EYS: variants seen among roughly 807,000 people sequenced by gnomAD.
The protein encoded by EYS is protein eyes shut homolog.
EYS carries 250 observed loss-of-function variants against 282.1 expected under a neutral mutation model. That is an observed-to-expected ratio of 0.89 (90% CI 0.80 to 0.98). The LOEUF is 0.98. EYS is among the 50% of genes least tolerant of loss of function. The pLI, the probability that EYS is intolerant of heterozygous loss-of-function variation, is 0.00. For synonymous variants in EYS, 1,355 were observed against 1,282.9 expected, an observed-to-expected ratio of 1.06 and a Z score of -1.20; for missense variants, 4,016 against 3,709.0, an observed-to-expected ratio of 1.08 and a Z score of -2.15.
At chr6:64,121,144 C>T (rs973788307) in intron 31 of EYS, among the ~76,000 whole-genome samples, 23 of 152,280 alleles carry the variant, frequency 1.5e-4, no homozygotes, top group Non-Finnish European at 3.1e-4. Flanking sequence ...TGCATCTCTC[C>T]TCCTTCTCCC....
intron 30 of EYS, among the ~76,000 whole-genome samples, chr6:64,258,689 G>C (rs1383156760): frequency 6.6e-6 from 1 of 152,018 alleles, no homozygotes; most frequent in Non-Finnish European, 1.5e-5. Context: ...GTATAAAGAA[G>C]AAAATGTCTC....
intron 26 of EYS, among the ~76,000 whole-genome samples, chr6:64,512,588 G>T (rs920515082): frequency 2.0e-5 from 3 of 151,574 alleles, no homozygotes; most frequent in Non-Finnish European, 2.9e-5. Context: ...GAGAGTTGAA[G>T]ATTACAATAT....
At chr6:64,930,747 G>A (rs6925610) in intron 15 of EYS, among the ~76,000 whole-genome samples, 4,733 of 152,142 alleles carry the variant, frequency 0.031, 142 homozygotes, top group African/African-American at 0.079. Context: ...AAACCTTCAC[G>A]TTGTCTGAAA....
intron 2 of EYS, among the ~76,000 whole-genome samples, chr6:65,514,682 G>A (rs1349259289): frequency 5.3e-5 from 8 of 152,100 alleles, no homozygotes; most frequent in Admixed American, 1.3e-4. Context: ...AAAAACAAGT[G>A]ATGGGGAAAG....
intron 26 of EYS, among the ~76,000 whole-genome samples, chr6:64,573,055 G>A (rs1167439977): frequency 6.6e-6 from 1 of 152,098 alleles, no homozygotes; most frequent in Non-Finnish European, 1.5e-5. Flanking sequence ...AAAACAGCAT[G>A]GGACTGGCAC....
chr6:63,853,579 A>G (rs764596419), intron 36 of EYS, among the ~76,000 whole-genome samples: 6 of 152,216 alleles, frequency 3.9e-5, no homozygotes, highest in Non-Finnish European at 7.3e-5. Flanking sequence ...TATAAATTCA[A>G]TGCTATTCCT....
chr6:65,459,026 T>C (rs1039798185), intron 5 of EYS, among the ~76,000 whole-genome samples: 1 of 152,136 alleles, frequency 6.6e-6, no homozygotes, highest in Non-Finnish European at 1.5e-5. Context: ...TTGTTGATAT[T>C]TAATAGGATT....
chr6:65,056,455 G>T (rs1773418636), intron 13 of EYS, among the ~76,000 whole-genome samples: 1 of 151,902 alleles, frequency 6.6e-6, no homozygotes, highest in Non-Finnish European at 1.5e-5. Flanking sequence ...ACCCTGATAT[G>T]CTGGCATGCA....
At chr6:65,220,834 T>A (rs577573156) in intron 12 of EYS, among the ~76,000 whole-genome samples, 2 of 152,184 alleles carry the variant, frequency 1.3e-5, no homozygotes, top group East Asian at 3.9e-4. Context: ...ATATGGACAA[T>A]AAAGTACAGG....
At chr6:64,594,153 T>A (rs1582933531) in intron 24 of EYS, among the ~76,000 whole-genome samples, 1 of 152,148 alleles carries the variant, frequency 6.6e-6, no homozygotes, top group East Asian at 1.9e-4. Context: ...TGTTTCACAG[T>A]TCCATATTCT....
At chr6:64,077,729 T>C (rs1206680448) in intron 32 of EYS, among the ~76,000 whole-genome samples, 1 of 151,988 alleles carries the variant, frequency 6.6e-6, no homozygotes, top group Non-Finnish European at 1.5e-5. Flanking sequence ...AACTGCATGG[T>C]AATATATCCC....
chr6:65,038,464 T>A (rs1283064883), intron 13 of EYS, among the ~76,000 whole-genome samples: 1 of 151,440 alleles, frequency 6.6e-6, no homozygotes, highest in Non-Finnish European at 1.5e-5. Context: ...TATCACTAGG[T>A]CCTTATTTAT....
At chr6:63,755,443 T>C (rs1769454170) in intron 41 of EYS, among the ~76,000 whole-genome samples, 1 of 152,182 alleles carries the variant, frequency 6.6e-6, no homozygotes, top group Non-Finnish European at 1.5e-5. Context: ...TGGCTGTAGA[T>C]GTGTGGTGTT....
At chr6:64,437,665 A>G (rs537386817) in intron 27 of EYS, among the ~76,000 whole-genome samples, 2 of 151,818 alleles carry the variant, frequency 1.3e-5, no homozygotes, top group South Asian at 4.1e-4. Flanking sequence ...AAATGGGCAA[A>G]TAAGTCAATC....
At chr6:64,618,878 G>C (rs1000172485) in intron 23 of EYS, among the ~76,000 whole-genome samples, 136 of 152,118 alleles carry the variant, frequency 8.9e-4, no homozygotes, top group African/African-American at 3.1e-3. Flanking sequence ...ATATGACTTT[G>C]TTGAGTCTCA....
intron 2 of EYS, among the ~76,000 whole-genome samples, chr6:65,538,971 A>G (rs1424181694): frequency 6.6e-6 from 1 of 152,218 alleles, no homozygotes; most frequent in Admixed American, 6.5e-5. Context: ...ATGCAGTTAA[A>G]GCATAAGTGA....
intron 22 of EYS, among the ~76,000 whole-genome samples, chr6:64,774,880 A>G (rs1159819337): frequency 6.6e-6 from 1 of 151,952 alleles, no homozygotes; most frequent in Non-Finnish European, 1.5e-5. Flanking sequence ...CTTAAATCTA[A>G]TTCTTTCTTC....
chr6:64,804,981 A>AT (rs1235910510), intron 22 of EYS, among the ~76,000 whole-genome samples: 7 of 151,912 alleles, frequency 4.6e-5, no homozygotes, highest in African/African-American at 1.2e-4. Flanking sequence ...TCCAACTGCA[A>AT]TTTTTTTTGT....
intron 31 of EYS, among the ~76,000 whole-genome samples, chr6:64,171,788 C>T (rs1370594803): frequency 6.6e-6 from 1 of 152,036 alleles, no homozygotes; most frequent in South Asian, 2.1e-4. Context: ...TTTCCTTCTC[C>T]GTGTGTTGGC....
Sources: allele counts gnomAD v4.1 joint callset (sites outside exome capture counted in the v4.1 genomes callset), GRCh38; gene constraint gnomAD v4.1.1; transcripts MANE v1.5; gene names NCBI Gene and HGNC (gene_info 2026-07-23, HGNC 2026-07-21).